Variants in IFFO1 observed in about 807,000 individuals in gnomAD.
IFFO1 encodes the protein non-homologous end joining factor IFFO1.
Under a neutral mutation model 59.6 loss-of-function variants are expected in IFFO1, and 42 were observed. That is an observed-to-expected ratio of 0.70 (90% CI 0.55 to 0.91). The LOEUF is 0.91. Among genes scored for constraint, IFFO1 ranks in the 40% least tolerant of loss-of-function variants. IFFO1 has a pLI of 0.00. For missense variants in IFFO1, 711 were observed against 793.2 expected, an observed-to-expected ratio of 0.90 and a Z score of 1.24; for synonymous variants, 336 against 342.8, an observed-to-expected ratio of 0.98 and a Z score of 0.22.
At position 6,555,748 on chromosome 12, in the gene IFFO1, C is replaced by T. The variant is rs1947418439; in HGVS notation, c.282G>A (p.Leu94=). 1.2e-6 allele frequency: 2 copies of T among 1,613,018 alleles called. No homozygotes were observed. Among genetic ancestry groups the T allele is most frequent in the Admixed American group, 1.7e-5 (1 of 59,976 alleles). ...TCTCCAACAGCCGGTTCCGGCGCTC[C>T]AGCTCATGCACCTTGGCCAGGAAGC... ...FRCFLAKVHE[L]ERRNRLLEKQ... Residue 94 remains leucine, a synonymous_variant, in exon 1 of 10, where the codon CTG becomes CTA. Coordinates refer to ENST00000619571, the MANE Select transcript of IFFO1 (RefSeq NM_001193457.2). The surrounding 1 kb of genome is among the most constrained non-coding windows in gnomAD (Gnocchi z 8.6).
rs910976777 is a variant in IFFO1, at chr12:6,541,099, C to A, written c.1610+413G>T. 4.6e-5 allele frequency among the ~76,000 whole-genome samples: 7 copies of A among 151,448 alleles called. No individual in the cohort carries two copies. The highest frequency in any genetic ancestry group is 1.2e-4 in the African/African-American group (5 of 41,182). On this transcript the variant is annotated intron_variant, in intron 9 of 9. Transcript: ENST00000619571. This position sits in a 1 kb window ranked among gnomAD's most constrained non-coding sequence, Gnocchi z 4.8. ...AGCCTCCAGCACCCTGACTCTAGGG[C>A]CTTGGCTTTATGTCTATCTGCAGTA...
intron 9 of IFFO1, 142 bp from the exon 10 acceptor site, chr12:6,540,730 C>G: frequency 1.4e-6 from 1 of 719,136 alleles, no homozygotes. Flanking sequence ...GGCGAGGGAG[C>G]GGCAGGGACT....
At position 6,551,203 on chromosome 12, in the gene IFFO1, C is replaced by T. The variant is rs548899280; in HGVS notation, c.774-202G>A. Among the ~76,000 whole-genome samples, 7 of 152,366 alleles carry T rather than the reference C, an allele frequency of 4.6e-5. No individual in the cohort carries two copies. The South Asian group carries it at 1.0e-3, about 23-fold the overall frequency. The stretch of plus-strand genomic sequence containing the variant: ...ACGCGGCTCTGTGCTTCCTGATGGG[C>T]GTCGAGCTCGCCAGCTGCCTTCCCG... On this transcript the variant is annotated intron_variant, in intron 1 of 9. Coordinates refer to ENST00000619571, the MANE Select transcript of IFFO1 (RefSeq NM_001193457.2).
At position 6,549,263 on chromosome 12, in the gene IFFO1, C is replaced by T. The variant is rs1202543175; in HGVS notation, c.1080+213G>A. 1 of 639,610 alleles carries T rather than the reference C, an allele frequency of 1.6e-6. No homozygotes were observed. Among genetic ancestry groups the T allele is most frequent in the Non-Finnish European group, 2.8e-6 (1 of 360,202 alleles). The allele number at this position is 639,610 out of a possible 1,614,324, so 39.6% of individuals were successfully genotyped here. On this transcript the variant is annotated intron_variant, in intron 5 of 9. Transcript: ENST00000619571. This position sits in a 1 kb window ranked among gnomAD's most constrained non-coding sequence, Gnocchi z 5.0. The stretch of plus-strand genomic sequence containing the variant: ...TACAAAAGAGAACCTGAATCACATC[C>T]AGATCTGGAAAGCCGGGGGAGAAGG...
Position 6,548,505 on chromosome 12 carries a change from A to C in IFFO1, c.1303T>G (p.Trp435Gly). ...DFEDDCDSLTWEETEETLLLW... is the reference protein window; with the variant it reads ...DFEDDCDSLTGEETEETLLLW... ...AGCAGGGTCTCCTCAGTCTCCTCCC[A>C]AGTCAGGCTGTCACAGTCGTCCTCA... The change falls in exon 7 of 10, where the codon TGG (tryptophan) becomes GGG (glycine). Residue 435 changes from tryptophan to glycine, a missense_variant. Around this residue, in one of 3 missense-constraint regions of IFFO1, gnomAD observed 579 missense variants for 650.3 expected, o/e 0.89. Transcript: ENST00000619571. This position sits in a 1 kb window ranked among gnomAD's most constrained non-coding sequence, Gnocchi z 6.1. 1 of 1,614,014 alleles carries C rather than the reference A, an allele frequency of 6.2e-7. No individual in the cohort carries two copies.
At position 6,549,722 on chromosome 12, in the gene IFFO1, C is replaced by G. The variant is rs775321034; in HGVS notation, c.1071+34G>C. 9.8e-5 allele frequency: 156 copies of G among 1,592,362 alleles called. 3 individuals are homozygous for G. The South Asian group carries it at 1.6e-3, about 16-fold the overall frequency. ...CACGGAAGCATCCACCTGCCCCACC[C>G]ACCCCTGAGAGCAGAGGGCAGCTCC... On this transcript the variant is annotated intron_variant, in intron 4 of 9. Coordinates refer to ENST00000619571, the MANE Select transcript of IFFO1 (RefSeq NM_001193457.2). This position sits in a 1 kb window ranked among gnomAD's most constrained non-coding sequence, Gnocchi z 5.0.
chr12:6,548,590 C>G lies in IFFO1; in HGVS notation c.1263-45G>C. On this transcript the variant is annotated intron_variant, in intron 6 of 9. Transcript: ENST00000619571. The surrounding 1 kb of genome is among the most constrained non-coding windows in gnomAD (Gnocchi z 6.1). ...GTGTCAGGGCGGGCGGGGCCTCGTC[C>G]TGGCGGGGGACTGGGGAGCTCCGGC... The G allele has an allele frequency of 1.9e-6, 3 of 1,613,544 alleles. No homozygotes were observed. In the South Asian group the frequency reaches 3.3e-5, roughly 18 times the overall value.
chr12:6,552,992 C>G (rs1359210106), intron 1 of IFFO1, among the ~76,000 whole-genome samples: 1 of 152,082 alleles, frequency 6.6e-6, no homozygotes, highest in Non-Finnish European at 1.5e-5. Flanking sequence ...GGGACCATTC[C>G]TATGTTGGGA....
At chr12:6,545,697 C>CG (rs796857789) in intron 8 of IFFO1, among the ~76,000 whole-genome samples, 2,145 of 104,868 alleles carry the variant, frequency 0.02, 54 homozygotes, top group African/African-American at 0.067. Flanking sequence ...GACTCCGTCT[C>CG]GGAAAAAAAA....
chr12:6,546,301 C>A (rs564695606), intron 8 of IFFO1, among the ~76,000 whole-genome samples: 3 of 152,172 alleles, frequency 2.0e-5, no homozygotes, highest in Admixed American at 6.5e-5. Context: ...GGGGGGACTA[C>A]GTATGAATCT....
chr12:6,544,455 C>T (rs1429908801), intron 8 of IFFO1, among the ~76,000 whole-genome samples: 1 of 152,188 alleles, frequency 6.6e-6, no homozygotes, highest in African/African-American at 2.4e-5. Flanking sequence ...AGGCGAGAGC[C>T]ACCACGCCCA....
intron 3 of IFFO1, 35 bp downstream of exon 3, chr12:6,550,660 A>T: frequency 4.5e-6 from 7 of 1,562,430 alleles, no homozygotes; most frequent in Non-Finnish European, 6.2e-6. Context: ...CAGAAGCCTC[A>T]CTTCGACCCT....
Position 6,540,478 on chromosome 12 carries a change from G to A in IFFO1, c.*5C>T. On this transcript the variant is annotated 3_prime_UTR_variant, in exon 10 of 10. Coordinates refer to ENST00000619571, the MANE Select transcript of IFFO1 (RefSeq NM_001193457.2). ...GGGCCTCGGGTGCAAGGGGGAGGCA[G>A]GTCTCTATCTCATGGAGCTGTCAGA... 1 of 1,611,386 alleles carries A rather than the reference G, an allele frequency of 6.2e-7. No homozygotes were observed. Among genetic ancestry groups the A allele is most frequent in the Non-Finnish European group, 8.5e-7 (1 of 1,177,574 alleles).
Position 6,549,804 on chromosome 12 carries a change from G to A in IFFO1, c.1023C>T (p.Cys341=), listed in dbSNP as rs138562505. ...CGCAGTTGCGCTGCTGAGCCACATC[G>A]CAGAGCTTGGCGGTGATGTCGATGC... ...CRRIDITAKL[C]DVAQQRNCED... Residue 341 remains cysteine, a synonymous_variant, in exon 4 of 10, where the codon TGC becomes TGT. Transcript: ENST00000619571. This position sits in a 1 kb window ranked among gnomAD's most constrained non-coding sequence, Gnocchi z 5.0. 3.0e-5 allele frequency: 49 copies of A among 1,614,042 alleles called. No individual in the cohort carries two copies. The highest frequency in any genetic ancestry group is 9.9e-5 in the South Asian group (9 of 91,090).
At chr12:6,550,209 C>G in intron 3 of IFFO1, 1 of 367,852 alleles carries the variant, frequency 2.7e-6, no homozygotes, top group Non-Finnish European at 5.0e-6. Context: ...CTAGAACTTA[C>G]ATTCCCAGAG....
rs1216956610 is a variant in IFFO1 at position 6,549,776 on chromosome 12, C to T, written c.1051G>A (p.Asp351Asn). 2 of 1,613,868 alleles carry T rather than the reference C, an allele frequency of 1.2e-6. No individual in the cohort carries two copies. Among genetic ancestry groups the T allele is most frequent in the Admixed American group, 1.7e-5 (1 of 60,020 alleles). The change falls in exon 4 of 10, where the codon GAC becomes AAC. Residue 351 changes from aspartate to asparagine, a missense_variant. Asp to Asn is a conservative substitution (Grantham distance 23). Around this residue, in one of 3 missense-constraint regions of IFFO1, gnomAD observed 579 missense variants for 650.3 expected, o/e 0.89. Coordinates refer to ENST00000619571, the MANE Select transcript of IFFO1 (RefSeq NM_001193457.2). This position sits in a 1 kb window ranked among gnomAD's most constrained non-coding sequence, Gnocchi z 5.0. The stretch of plus-strand genomic sequence containing the variant: ...CTCACCTGGAACATCTGGATCATGT[C>T]CTCGCAGTTGCGCTGCTGAGCCACA... ...CDVAQQRNCE[D>N]MIQMFQKKLS...
chr12:6,553,051 T>C (rs373108094), intron 1 of IFFO1, among the ~76,000 whole-genome samples: 44 of 152,082 alleles, frequency 2.9e-4, no homozygotes, highest in South Asian at 1.9e-3. Context: ...GAGCTGAAAA[T>C]AGAACGCAGG....
chr12:6,555,926 C>T lies in IFFO1; in HGVS notation c.104G>A (p.Gly35Glu), dbSNP rs953002088. ...DSLGGDHFAG[G>E]GDLPPAPLSP... ...GAGAGGCGCCGGGGGCAAGTCTCCT[C>T]CCCCGGCGAAGTGGTCGCCTCCCAG... Residue 35 changes from glycine to glutamate, a missense_variant, in exon 1 of 10, where the codon GGA (glycine) becomes GAA (glutamate). Gly to Glu is a moderately conservative substitution (Grantham distance 98, BLOSUM62 -2). Coordinates refer to ENST00000619571, the MANE Select transcript of IFFO1 (RefSeq NM_001193457.2). This position sits in a 1 kb window ranked among gnomAD's most constrained non-coding sequence, Gnocchi z 8.6. 27 of 1,551,456 alleles carry T rather than the reference C, an allele frequency of 1.7e-5. No homozygotes were observed. In the African/African-American group the frequency reaches 2.2e-4, roughly 13 times the overall value.
intron 1 of IFFO1, chr12:6,551,470 C>A (rs1268676340): frequency 1.5e-6 from 2 of 1,292,880 alleles, no homozygotes; most frequent in Non-Finnish European, 2.0e-6. Flanking sequence ...CGCTGCCCTG[C>A]CTCTTGTGGT....
Sources: gnomAD v4.1 joint callset for allele counts (sites outside exome capture counted in the v4.1 genomes callset) on GRCh38, gnomAD v4.1.1 for gene constraint, gnomAD v4.1.1 regional missense constraint, Gnocchi (gnomAD v3.1) non-coding constraint, MANE v1.5 for transcripts, NCBI Gene and HGNC (gene_info 2026-07-23, HGNC 2026-07-21) for gene names.